Variants in INPP4B observed in about 807,000 individuals in gnomAD.
The protein encoded by INPP4B is inositol polyphosphate 4-phosphatase type II.
INPP4B carries 55 observed loss-of-function variants against 122.5 expected under a neutral mutation model. The observed-to-expected ratio is 0.45, with a 90% confidence interval of 0.36 to 0.56. The LOEUF is 0.56. INPP4B is among the 20% of genes least tolerant of loss of function. The pLI is 0.00. For missense variants in INPP4B, 1,000 were observed against 1,097.7 expected, an observed-to-expected ratio of 0.91 and a Z score of 1.26; for synonymous variants, 403 against 388.7, an observed-to-expected ratio of 1.04 and a Z score of -0.43.
intron 2 of INPP4B, among the ~76,000 whole-genome samples, chr4:142,663,801 A>G (rs1445342034): frequency 6.6e-6 from 1 of 152,160 alleles, no homozygotes; most frequent in Non-Finnish European, 1.5e-5. Flanking sequence ...TTTTCAGACA[A>G]ATGTATTGAA....
chr4:142,395,868 A>C (rs2149054853), intron 7 of INPP4B, among the ~76,000 whole-genome samples: 1 of 152,258 alleles, frequency 6.6e-6, no homozygotes, highest in Admixed American at 6.5e-5. Context: ...AGAATCAGAG[A>C]GTAAAATTGT....
chr4:142,548,735 G>T (rs964845674), intron 2 of INPP4B, among the ~76,000 whole-genome samples: 3 of 147,042 alleles, frequency 2.0e-5, no homozygotes, highest in African/African-American at 7.7e-5. Flanking sequence ...CAAATATAGT[G>T]CATACAGATG....
chr4:142,267,158 A>G (rs904462312), intron 10 of INPP4B, among the ~76,000 whole-genome samples: 1 of 152,186 alleles, frequency 6.6e-6, no homozygotes, highest in African/African-American at 2.4e-5. Flanking sequence ...GATTAAATGA[A>G]TCCCTATCAA....
At chr4:142,765,870 C>A (rs534570672) in intron 1 of INPP4B, 33 of 150,212 alleles carry the variant, frequency 2.2e-4, no homozygotes, top group African/African-American at 8.1e-4. Context: ...AAATACAGAA[C>A]AATGTAAGTC....
intron 25 of INPP4B, among the ~76,000 whole-genome samples, chr4:142,070,097 G>A (rs1177989365): frequency 6.6e-6 from 1 of 152,112 alleles, no homozygotes; most frequent in African/African-American, 2.4e-5. Context: ...ATAAAATACT[G>A]GCAAACCAAA....
At chr4:142,244,172 C>T (rs1370242410) in intron 11 of INPP4B, among the ~76,000 whole-genome samples, 4 of 151,522 alleles carry the variant, frequency 2.6e-5, no homozygotes, top group Non-Finnish European at 4.4e-5. Context: ...TTTGGTTTTC[C>T]GTCCCTGTGT....
chr4:142,720,805 C>CTATATATATA (rs1486439869), intron 2 of INPP4B, among the ~76,000 whole-genome samples: 10 of 15,876 alleles, frequency 6.3e-4, no homozygotes, highest in Admixed American at 3.0e-3. Flanking sequence ...CTCTCTCTCT[C>CTATATATATA]TCTCTATATA....
rs529890970 is a variant in INPP4B, at chr4:142,687,786, G to A, written c.-191+38053C>T. Among the ~76,000 whole-genome samples, 93 of 152,172 alleles carry A rather than the reference G, an allele frequency of 6.1e-4. 1 individual carries two copies. Among genetic ancestry groups the A allele is most frequent in the Admixed American group, 1.2e-3 (19 of 15,280 alleles). On this transcript the variant is annotated intron_variant, in intron 2 of 25. Transcript: ENST00000262992. Reference sequence around the variant, plus strand: ...CTGAGACACTCTAAGCAGGGTGGATGTTGGGGGACTCTCAGGCACCATACG... The same window carrying A: ...CTGAGACACTCTAAGCAGGGTGGATATTGGGGGACTCTCAGGCACCATACG...
intron 2 of INPP4B, chr4:142,654,818 A>T (rs1015411702): frequency 1.3e-5 from 2 of 152,206 alleles, no homozygotes; most frequent in Admixed American, 6.5e-5. Flanking sequence ...AGGTGGTTAA[A>T]ATAGTAAATA....
chr4:142,451,550 C>T (rs1354540325), intron 3 of INPP4B, among the ~76,000 whole-genome samples: 2 of 152,126 alleles, frequency 1.3e-5, no homozygotes, highest in Non-Finnish European at 2.9e-5. Context: ...CGCTCCCAGC[C>T]TCAAAATAGT....
intron 2 of INPP4B, chr4:142,660,855 A>G (rs2120160): frequency 0.86 from 130,490 of 152,560 alleles, 55,868 homozygotes; most frequent in African/African-American, 0.9. Flanking sequence ...CCCTTAGATC[A>G]GCCTCTGAGG....
At chr4:142,586,761 G>T (rs1310616740) in intron 2 of INPP4B, among the ~76,000 whole-genome samples, 1 of 152,156 alleles carries the variant, frequency 6.6e-6, no homozygotes, top group Admixed American at 6.5e-5. Flanking sequence ...GAGGAGGAAG[G>T]AGAGAATTAA....
intron 7 of INPP4B, among the ~76,000 whole-genome samples, chr4:142,349,746 C>A (rs569767859): frequency 6.6e-6 from 1 of 152,018 alleles, no homozygotes; most frequent in Non-Finnish European, 1.5e-5. Context: ...TCATAAAAGG[C>A]ACATCTTTAG....
intron 2 of INPP4B, among the ~76,000 whole-genome samples, chr4:142,632,684 C>A (rs116729889): frequency 2.0e-5 from 3 of 151,532 alleles, no homozygotes; most frequent in Admixed American, 2.0e-4. Context: ...ATAGCATATA[C>A]TAAAAGGCAA....
In INPP4B at chr4:142,136,204, C is replaced by A. The variant is rs188787862; in HGVS notation, c.1720+9636G>T. ...CACCCTGGCTCTTCGGCACTGGCAC[C>A]CAGGCATGTTGGTAGGTGGGGGTGG... On this transcript the variant is annotated intron_variant, in intron 18 of 25. Coordinates refer to ENST00000262992, the MANE Select transcript of INPP4B (RefSeq NM_001101669.3). Among the ~76,000 whole-genome samples the A allele has an allele frequency of 2.6e-3, 395 of 152,214 alleles. 1 individual carries two copies. Among genetic ancestry groups the A allele is most frequent in the Non-Finnish European group, 4.6e-3 (310 of 67,998 alleles).
chr4:142,623,909 T>A (rs1190738674), intron 2 of INPP4B, among the ~76,000 whole-genome samples: 1 of 152,156 alleles, frequency 6.6e-6, no homozygotes, highest in Non-Finnish European at 1.5e-5. Context: ...CATCATTTTT[T>A]ATGGCTGCAT....
At chr4:142,557,577 T>C (rs2150105286) in intron 2 of INPP4B, among the ~76,000 whole-genome samples, 1 of 152,216 alleles carries the variant, frequency 6.6e-6, no homozygotes, top group African/African-American at 2.4e-5. Flanking sequence ...AGACACATGC[T>C]CCCGATGTCC....
intron 17 of INPP4B, among the ~76,000 whole-genome samples, chr4:142,152,097 G>A (rs1241045504): frequency 2.9e-5 from 3 of 103,244 alleles, no homozygotes; most frequent in African/African-American, 1.2e-4. Flanking sequence ...TTTTTTTGAC[G>A]GAGTCTCGCT....
chr4:142,597,297 GACA>G (rs1738924467), intron 2 of INPP4B, among the ~76,000 whole-genome samples: 1 of 152,164 alleles, frequency 6.6e-6, no homozygotes, highest in Admixed American at 6.5e-5. Context: ...TCCACACATG[GACA>G]ACAATGAACT....
Sources: gnomAD v4.1 joint callset for allele counts (sites outside exome capture counted in the v4.1 genomes callset) on GRCh38, gnomAD v4.1.1 for gene constraint, MANE v1.5 for transcripts, NCBI Gene and HGNC (gene_info 2026-07-23, HGNC 2026-07-21) for gene names.